The following NRXN3 variants were observed in gnomAD, a reference collection of about 807,000 sequenced individuals.
The protein encoded by NRXN3 is neurexin III.
In NRXN3, 32 loss-of-function variants were observed where a neutral mutation model predicts 137.6. The observed-to-expected ratio is 0.23, with a 90% CI of 0.18 to 0.31. The LOEUF (loss-of-function observed/expected upper bound fraction) is 0.31, where lower values mean the gene tolerates loss of function less well. Among genes scored for constraint, NRXN3 ranks in the 10% least tolerant of loss-of-function variants. The pLI is 1.00. For missense variants in NRXN3, 1,574 were observed against 2,062.5 expected (o/e 0.76, Z 4.59); for synonymous variants, 798 against 784.5 (o/e 1.02, Z -0.29).
At chr14:78,694,032 C>T (rs562891631) in intron 6 of NRXN3, among the ~76,000 whole-genome samples, 1 of 151,970 alleles carries the variant, frequency 6.6e-6, no homozygotes. Context: ...CTGGCTAATG[C>T]CACTCATTTA....
Position 79,121,968 on chromosome 14 carries a change from C to T in NRXN3, c.3262+133827C>T, listed in dbSNP as rs554585250. 2.6e-5 allele frequency among the ~76,000 whole-genome samples: 4 copies of T among 152,294 alleles called. No homozygotes were observed. In the East Asian group the frequency reaches 7.7e-4, roughly 29 times the overall value. On this transcript the variant is annotated intron_variant, in intron 15 of 20. Coordinates refer to ENST00000335750, the MANE Select transcript of NRXN3 (RefSeq NM_001330195.2). ...TTGTTTGTTTTTAACTTTGTAGCTT[C>T]AGCACACCATGCCACAAACTTTGTG...
At chr14:78,460,067 G>A (rs1019551532) in intron 4 of NRXN3, among the ~76,000 whole-genome samples, 2 of 152,216 alleles carry the variant, frequency 1.3e-5, no homozygotes, top group African/African-American at 2.4e-5. Context: ...TTAGGGGAAC[G>A]CTTTATTTAC....
intron 4 of NRXN3, among the ~76,000 whole-genome samples, chr14:78,385,558 A>G (rs887969626): frequency 2.0e-5 from 3 of 152,190 alleles, no homozygotes; most frequent in African/African-American, 7.2e-5. Context: ...ACCCCTTCTT[A>G]TGATGAATGT....
At chr14:78,282,635 T>C (rs969326351) in intron 3 of NRXN3, among the ~76,000 whole-genome samples, 1 of 152,194 alleles carries the variant, frequency 6.6e-6, no homozygotes, top group Admixed American at 6.5e-5. Context: ...GGCCTCCGTC[T>C]GCTGTTGCCA....
At chr14:78,998,623 G>C (rs2099535098) in intron 15 of NRXN3, among the ~76,000 whole-genome samples, 2 of 149,802 alleles carry the variant, frequency 1.3e-5, no homozygotes, top group South Asian at 4.2e-4. Flanking sequence ...TTTTGAGAAG[G>C]AATCTTGCTC....
chr14:78,419,992 G>T (rs1260115012), intron 4 of NRXN3, among the ~76,000 whole-genome samples: 1 of 132,874 alleles, frequency 7.5e-6, no homozygotes, highest in Admixed American at 8.0e-5. Flanking sequence ...CACACGTAAA[G>T]TCCTGACTAC....
chr14:79,513,311 A>T (rs2096950934), intron 16 of NRXN3, among the ~76,000 whole-genome samples: 1 of 148,514 alleles, frequency 6.7e-6, no homozygotes, highest in Admixed American at 6.7e-5. Context: ...ATCCAGGTAG[A>T]GAACTCCTGT....
chr14:79,634,935 T>G (rs1258311498), intron 16 of NRXN3, among the ~76,000 whole-genome samples: 2 of 152,232 alleles, frequency 1.3e-5, no homozygotes, highest in African/African-American at 4.8e-5. Flanking sequence ...CGTCTGTGTT[T>G]GGTTTATTTC....
At chr14:78,360,760 C>G (rs1597761132) in intron 4 of NRXN3, among the ~76,000 whole-genome samples, 2 of 152,222 alleles carry the variant, frequency 1.3e-5, no homozygotes, top group East Asian at 1.9e-4. Flanking sequence ...CTATTCTATT[C>G]AAAGCTAAAG....
At chr14:79,730,861 T>C (rs190021946) in intron 19 of NRXN3, among the ~76,000 whole-genome samples, 2 of 152,220 alleles carry the variant, frequency 1.3e-5, no homozygotes, top group African/African-American at 4.8e-5. Flanking sequence ...GGTCAGTAAA[T>C]TATTTGGCCA....
At chr14:78,232,764 A>G (rs911589585) in intron 1 of NRXN3, among the ~76,000 whole-genome samples, 8 of 152,032 alleles carry the variant, frequency 5.3e-5, no homozygotes, top group Non-Finnish European at 7.4e-5. Context: ...AAGGGTGATT[A>G]TCTTCATTAT....
intron 4 of NRXN3, among the ~76,000 whole-genome samples, chr14:78,530,024 A>C (rs1024053415): frequency 2.1e-4 from 32 of 152,350 alleles, no homozygotes; most frequent in African/African-American, 7.5e-4. Context: ...ATTAATTCCA[A>C]GTTTGGCATC....
chr14:79,273,172 CAAAAAAAAAAAAAAAA>C (rs1163073631), intron 15 of NRXN3, among the ~76,000 whole-genome samples: 1 of 20,752 alleles, frequency 4.8e-5, no homozygotes, highest in African/African-American at 2.8e-4. Context: ...ACTCTGTGGC[CAAAAAAAAAAAAAAAA>C]AAAAAAAAAA....
intron 19 of NRXN3, among the ~76,000 whole-genome samples, chr14:79,711,569 G>T (rs112360551): frequency 6.6e-6 from 1 of 152,016 alleles, no homozygotes. Context: ...ATCCTCCTGC[G>T]TTGGAGTGCT....
chr14:78,486,469 T>C (rs4899715), intron 4 of NRXN3, among the ~76,000 whole-genome samples: 133,593 of 152,108 alleles, frequency 0.88, 60,247 homozygotes, highest in Non-Finnish European at 0.98. Flanking sequence ...TGGAGGATCA[T>C]AGGAGGCAAG....
At chr14:78,702,566 T>G (rs943903966) in intron 6 of NRXN3, among the ~76,000 whole-genome samples, 2 of 151,692 alleles carry the variant, frequency 1.3e-5, no homozygotes, top group Non-Finnish European at 2.9e-5. Flanking sequence ...CACTGCAGGA[T>G]CCCGAGTAGC....
chr14:78,691,883 A>G (rs2098173756), intron 6 of NRXN3, among the ~76,000 whole-genome samples: 1 of 152,060 alleles, frequency 6.6e-6, no homozygotes, highest in Non-Finnish European at 1.5e-5. Flanking sequence ...GTAAACCAAA[A>G]ATTTTCTCCC....
At chr14:79,752,244 T>A (rs2099000562) in intron 19 of NRXN3, among the ~76,000 whole-genome samples, 1 of 152,106 alleles carries the variant, frequency 6.6e-6, no homozygotes, top group Non-Finnish European at 1.5e-5. Flanking sequence ...TTGCCACAAT[T>A]TCAGATCCTG....
At chr14:79,370,031 A>G (rs1023487151) in intron 15 of NRXN3, among the ~76,000 whole-genome samples, 2 of 152,148 alleles carry the variant, frequency 1.3e-5, no homozygotes, top group African/African-American at 2.4e-5. Context: ...TTGTTTGGTT[A>G]ATTTACCTAA....
Sources: gnomAD v4.1 joint callset for allele counts (sites outside exome capture counted in the v4.1 genomes callset) on GRCh38, gnomAD v4.1.1 for gene constraint, MANE v1.5 for transcripts, NCBI Gene and HGNC (gene_info 2026-07-23, HGNC 2026-07-21) for gene names.